Variants in GRAMD1C observed in about 807,000 individuals in gnomAD.
The protein encoded by GRAMD1C is GRAM domain containing 1C.
GRAMD1C carries 89 observed loss-of-function variants against 97.8 expected under a neutral mutation model. That is an observed-to-expected ratio of 0.91 (90% CI 0.77 to 1.09). The LOEUF (loss-of-function observed/expected upper bound fraction) is 1.09. GRAMD1C is among the 50% of genes least tolerant of loss of function. GRAMD1C has a pLI of 0.00. For missense variants in GRAMD1C, 740 were observed against 766.4 expected (o/e 0.97, Z 0.41); for synonymous variants, 256 against 267.0 (o/e 0.96, Z 0.40).
rs1456778745 is a variant in GRAMD1C at position 113,904,335 on chromosome 3, G to T, written c.789+63G>T. On this transcript the variant is annotated intron_variant, in intron 8 of 17. Coordinates refer to ENST00000358160, the MANE Select transcript of GRAMD1C (RefSeq NM_017577.5). ...CTGTCATGTCCTAATCAGAATACAA[G>T]ATAAATAAGGATACAGTATACAAAA... 2.7e-5 allele frequency: 29 copies of T among 1,088,474 alleles called. No homozygotes were observed. In the Admixed American group the frequency reaches 5.2e-4, roughly 19 times the overall value. The allele number at this position is 1,088,474 out of a possible 1,614,324, so 67.4% of individuals were successfully genotyped here.
At chr3:113,870,974 G>GACACACACACACACAC (rs550859238) in intron 3 of GRAMD1C, among the ~76,000 whole-genome samples, 2 of 76,258 alleles carry the variant, frequency 2.6e-5, no homozygotes, top group African/African-American at 1.0e-4. Flanking sequence ...ATAAATAAAA[G>GACACACACACACACAC]ACACACACAC....
At chr3:113,912,853 G>C (rs1327701568) in intron 9 of GRAMD1C, among the ~76,000 whole-genome samples, 1 of 152,134 alleles carries the variant, frequency 6.6e-6, no homozygotes, top group East Asian at 1.9e-4. Flanking sequence ...AAGGGAAAGA[G>C]AAAGAGAAAG....
intron 3 of GRAMD1C, among the ~76,000 whole-genome samples, chr3:113,871,696 GA>G (rs1934815419): frequency 7.5e-6 from 1 of 133,366 alleles, no homozygotes; most frequent in Non-Finnish European, 1.5e-5. Context: ...AGTGAGCCAA[GA>G]TTGTGCCACT....
chr3:113,876,042 GA>G, intron 4 of GRAMD1C, 122 bp from the exon 5 acceptor site: 4 of 602,148 alleles, frequency 6.6e-6, no homozygotes, highest in Non-Finnish European at 8.9e-6. Context: ...CCTTCAAGTC[GA>G]AAAACCTGAA....
At chr3:113,888,680 A>G (rs1414260953) in intron 6 of GRAMD1C, among the ~76,000 whole-genome samples, 1 of 152,238 alleles carries the variant, frequency 6.6e-6, no homozygotes, top group East Asian at 1.9e-4. Context: ...AATTTTTTAA[A>G]TACAAATGCT....
At chr3:113,866,037 G>GA (rs1397962589) in intron 2 of GRAMD1C, among the ~76,000 whole-genome samples, 2 of 152,016 alleles carry the variant, frequency 1.3e-5, no homozygotes, top group African/African-American at 2.4e-5. Flanking sequence ...ATCCGTGCTT[G>GA]AAAAAAATGT....
intron 6 of GRAMD1C, among the ~76,000 whole-genome samples, chr3:113,888,671 A>T (rs576091012): frequency 4.3e-4 from 66 of 152,306 alleles, no homozygotes; most frequent in African/African-American, 9.6e-4. Flanking sequence ...CTGAAAAAAA[A>T]TTTTTTAAAT....
At position 113,936,271 on chromosome 3, in the gene GRAMD1C, G is replaced by T. The variant is rs1322645231; in HGVS notation, c.1462G>T (p.Asp488Tyr). 2 of 1,541,710 alleles carry T rather than the reference G, an allele frequency of 1.3e-6. No individual in the cohort carries two copies. The highest frequency in any genetic ancestry group is 1.4e-5 in the African/African-American group (1 of 71,998). ...LEDYFKQLES[D>Y]LLIEESVLNQ... is the part of the protein sequence containing the mutation. ...ATTGTTTTTTTTTTTCTTAGAATCA[G>T]ATTTGTTAATTGAAGAATCTGTATT... is the stretch of plus-strand genomic sequence containing the variant. The change falls in exon 14 of 18, where the codon GAT becomes TAT. Residue 488 changes from aspartate to tyrosine, a missense_variant. Physicochemically the swap from Asp to Tyr is radical, Grantham distance 160. Transcript: ENST00000358160.
intron 6 of GRAMD1C, chr3:113,890,671 G>A (rs1935687133): frequency 5.9e-6 from 4 of 672,894 alleles, no homozygotes; most frequent in Non-Finnish European, 1.1e-5. Flanking sequence ...TCTCATTCTA[G>A]CAAGGCACCA....
chr3:113,915,671 C>T lies in GRAMD1C; in HGVS notation c.953-30C>T, dbSNP rs745817231. The T allele has an allele frequency of 2.2e-5, 35 of 1,578,300 alleles. No individual in the cohort carries two copies. In the African/African-American group the frequency reaches 4.1e-4, roughly 18 times the overall value. Reference sequence around the variant, plus strand: ...TAAAATAAACTTTCTTTGATTTCTTCTCTTTTGGTTTGTGTTTCTGTTTTT... The same window carrying T: ...TAAAATAAACTTTCTTTGATTTCTTTTCTTTTGGTTTGTGTTTCTGTTTTT... On this transcript the variant is annotated intron_variant, in intron 9 of 17. Transcript: ENST00000358160.
intron 14 of GRAMD1C, 102 bp from the exon 15 acceptor site, chr3:113,937,984 A>G (rs553480490): frequency 4.8e-6 from 3 of 623,158 alleles, no homozygotes; most frequent in Non-Finnish European, 8.2e-6. Flanking sequence ...CAGCCTGGGC[A>G]ACAAGAGCGA....
chr3:113,911,189 C>CACACACACACACACAT (rs1553723507), intron 9 of GRAMD1C, among the ~76,000 whole-genome samples: 18 of 150,470 alleles, frequency 1.2e-4, no homozygotes, highest in Non-Finnish European at 2.5e-4. Flanking sequence ...CACACACACA[C>CACACACACACACACAT]GCACACGAGA....
chr3:113,849,984 C>T lies in GRAMD1C; in HGVS notation c.174+5335C>T, dbSNP rs1445482874. Among the ~76,000 whole-genome samples, 10 of 150,370 alleles carry T rather than the reference C, an allele frequency of 6.7e-5. No homozygotes were observed. The East Asian group carries it at 1.2e-3, about 18-fold the overall frequency. On this transcript the variant is annotated intron_variant, in intron 2 of 17. Transcript: ENST00000358160. The stretch of plus-strand genomic sequence containing the variant: ...ACCGGGCGGGGGGCTGACCCCCCCA[C>T]CTCCCTCCCGGACGGGGTGGCTGGC...
intron 3 of GRAMD1C, among the ~76,000 whole-genome samples, chr3:113,871,812 G>T (rs540560764): frequency 2.7e-5 from 4 of 147,524 alleles, no homozygotes; most frequent in African/African-American, 1.0e-4. Context: ...ATGGTGGCAT[G>T]CACCTGTAGT....
chr3:113,919,222 A>G, intron 10 of GRAMD1C: 2 of 373,882 alleles, frequency 5.3e-6, no homozygotes, highest in Non-Finnish European at 5.2e-6. Context: ...CGTGCTGACA[A>G]TGAGTTTTCT....
intron 2 of GRAMD1C, among the ~76,000 whole-genome samples, chr3:113,847,205 A>G (rs1933649556): frequency 6.6e-6 from 1 of 152,158 alleles, no homozygotes; most frequent in Admixed American, 6.6e-5. Context: ...TTGTTTTTAT[A>G]TTTTTTAATT....
chr3:113,900,950 C>A, intron 6 of GRAMD1C, 81 bp from the exon 7 acceptor site: 1 of 767,920 alleles, frequency 1.3e-6, no homozygotes, highest in Non-Finnish European at 2.3e-6. Flanking sequence ...TCATTTTTGA[C>A]TTCAAAACTC....
At chr3:113,840,215 C>T (rs1284260668) in intron 1 of GRAMD1C, among the ~76,000 whole-genome samples, 1 of 152,166 alleles carries the variant, frequency 6.6e-6, no homozygotes, top group Admixed American at 6.5e-5. Flanking sequence ...ATCCGCCCGC[C>T]TCGGCCTCCC....
intron 6 of GRAMD1C, among the ~76,000 whole-genome samples, chr3:113,899,369 T>C (rs1238807394): frequency 1.3e-5 from 2 of 152,216 alleles, no homozygotes; most frequent in Admixed American, 1.3e-4. Context: ...CTTTAGACTT[T>C]CATATCATGT....
Sources: allele counts gnomAD v4.1 joint callset (sites outside exome capture counted in the v4.1 genomes callset), GRCh38; gene constraint gnomAD v4.1.1; transcripts MANE v1.5; gene names NCBI Gene and HGNC (gene_info 2026-07-23, HGNC 2026-07-21).